The following ZNF7 variants were observed in gnomAD, a reference collection of about 807,000 sequenced individuals.
ZNF7 encodes C2-H2 type zinc finger protein.
ZNF7 carries 10 observed loss-of-function variants against 12.0 expected under a neutral mutation model. The ratio of observed to expected loss-of-function variants is 0.83; its 90% CI spans 0.51 to 1.42. The LOEUF (loss-of-function observed/expected upper bound fraction) is 1.42, where lower values mean the gene tolerates loss of function less well. ZNF7 is among the 40% of genes most tolerant of loss of function. The pLI is 0.00. For synonymous variants in ZNF7, 334 were observed against 295.0 expected (o/e 1.13, Z -1.35); for missense variants, 854 against 837.2 (o/e 1.02, Z -0.25).
chr8:144,846,229 C>T (rs1224198884), downstream of ZNF7: 6 of 1,501,572 alleles, frequency 4.0e-6, no homozygotes, highest in East Asian at 1.5e-4. Flanking sequence ...TCACTAACAG[C>T]AACCAGCCAA....
At position 144,841,365 on chromosome 8, in the gene ZNF7, T is replaced by G. The variant is rs147195149; in HGVS notation, c.258T>G (p.Ile86Met). Reference sequence around the variant, plus strand: ...TCCTGTTTATTTCAGATTCTACGATTAGGACTGAAAATGAGCAGGCCTGTG... The same window carrying G: ...TCCTGTTTATTTCAGATTCTACGATGAGGACTGAAAATGAGCAGGCCTGTG... ...APRTSKTDST[I>M]RTENEQACED... Residue 86 changes from isoleucine (I) to methionine (M), a missense_variant, in exon 5 of 5, where the codon ATT becomes ATG. Physicochemically the swap from Ile to Met is conservative, Grantham distance 10. Transcript: ENST00000532777. 1.6e-5 allele frequency: 26 copies of G among 1,603,294 alleles called. No homozygotes were observed. The African/African-American group carries it at 2.5e-4, about 16-fold the overall frequency.
At chr8:144,827,962 C>G (rs550981612) in intron 1 of ZNF7, 1 of 152,336 alleles carries the variant, frequency 6.6e-6, no homozygotes, top group Non-Finnish European at 1.5e-5. Flanking sequence ...CCTGCGAAAT[C>G]ACCTCCTTCT....
rs931018309 is a variant in ZNF7, at chr8:144,843,296, T to C, written c.*128T>C. On this transcript the variant is annotated 3_prime_UTR_variant, in exon 5 of 5. Transcript: ENST00000532777. ...AAAGGTTCAGAATTGCTCTCAAGAA[T>C]ATCCAACTTCAGGCCGAGTGTGGTG... 6.3e-5 allele frequency: 77 copies of C among 1,220,892 alleles called. No homozygotes were observed. The highest frequency in any genetic ancestry group is 8.4e-5 in the Non-Finnish European group (75 of 896,692). 75.6% of individuals were successfully genotyped at this position (1,220,892 alleles called of 1,614,324 possible).
intron 3 of ZNF7, chr8:144,831,106 C>A: frequency 2.2e-6 from 1 of 447,982 alleles, no homozygotes. Context: ...GCAGCTCCAT[C>A]TGCTGTGCCT....
chr8:144,846,591 C>T (rs1253477353), downstream of ZNF7: 1 of 174,640 alleles, frequency 5.7e-6, no homozygotes, highest in Non-Finnish European at 1.2e-5. Context: ...GTTTCTTTAC[C>T]TAAATGTCAC....
Position 144,829,535 on chromosome 8 carries a change from C to G in ZNF7, c.61C>G (p.Leu21Val). ...VHFSREEWQC[L>V]DPGQRALYRE... ...CTTCTCTCGGGAGGAGTGGCAGTGT[C>G]TGGACCCTGGCCAGAGGGCCCTCTA... Residue 21 changes from leucine (L) to valine (V), a missense_variant, in exon 3 of 5, where the codon CTG (leucine) becomes GTG (valine). Coordinates refer to ENST00000532777, the MANE Select transcript of ZNF7 (RefSeq NM_003416.4). 1.2e-6 allele frequency: 2 copies of G among 1,614,158 alleles called. No individual in the cohort carries two copies. The highest frequency in any genetic ancestry group is 1.7e-6 in the Non-Finnish European group (2 of 1,180,016).
At chr8:144,844,538 G>A (rs1241176423), downstream of ZNF7, among the ~76,000 whole-genome samples, 6 of 151,964 alleles carry the variant, frequency 3.9e-5, no homozygotes, top group South Asian at 2.1e-4. Context: ...GTGAAACCCC[G>A]TGTCTACTAA....
At chr8:144,844,430 G>T (rs1162038554), downstream of ZNF7, among the ~76,000 whole-genome samples, 1 of 152,166 alleles carries the variant, frequency 6.6e-6, no homozygotes, top group Admixed American at 6.5e-5. Flanking sequence ...ACGAAAATGG[G>T]CCGGGCGTGG....
intron 4 of ZNF7, chr8:144,838,014 A>T (rs1829248321): frequency 1.4e-6 from 1 of 698,226 alleles, no homozygotes; most frequent in East Asian, 2.7e-5. Context: ...ACAGCTGTGG[A>T]GGCCGGAAAT....
chr8:144,846,003 G>T, downstream of ZNF7: 1 of 1,536,538 alleles, frequency 6.5e-7, no homozygotes, highest in Non-Finnish European at 8.7e-7. Context: ...CCAACCATGG[G>T]ACAAGAGCCA....
At chr8:144,829,013 G>A in intron 1 of ZNF7, 30 bp from the exon 2 acceptor site, 1 of 1,608,986 alleles carries the variant, frequency 6.2e-7, no homozygotes, top group Non-Finnish European at 8.5e-7. Flanking sequence ...CTGGCACCTT[G>A]ACCTCTAATC....
chr8:144,845,926 T>G (rs1586854571), downstream of ZNF7: 2 of 1,509,670 alleles, frequency 1.3e-6, no homozygotes, highest in Non-Finnish European at 1.8e-6. Flanking sequence ...CTTAGCCAGG[T>G]GGTCACCTTC....
chr8:144,832,817 C>T (rs951203727), intron 3 of ZNF7, among the ~76,000 whole-genome samples: 23 of 152,294 alleles, frequency 1.5e-4, no homozygotes, highest in Middle Eastern at 3.4e-3. Flanking sequence ...ATCTGTATCC[C>T]AGCTCCACAT....
chr8:144,844,893 G>A (rs967198070), downstream of ZNF7, among the ~76,000 whole-genome samples: 3 of 151,656 alleles, frequency 2.0e-5, no homozygotes, highest in Non-Finnish European at 2.9e-5. Flanking sequence ...AGGTGGAGAG[G>A]GAGTGGGGAA....
At chr8:144,838,960 A>AGCAGGGGCTGTGATCTTACTTCCATTCAT (rs1829464102) in intron 4 of ZNF7, 3 of 151,546 alleles carry the variant, frequency 2.0e-5, no homozygotes, top group Non-Finnish European at 2.9e-5. Context: ...AAAAAAAAAA[A>AGCAGGGGCTGTGATCTTACTTCCATTCAT]AAGCAGGGGC....
chr8:144,827,688 T>C, intron 1 of ZNF7, 79 bp downstream of exon 1: 1 of 984,670 alleles, frequency 1.0e-6, no homozygotes, highest in Non-Finnish European at 1.2e-6. Flanking sequence ...CCCTCCCGCC[T>C]TCGGCATTGG....
In ZNF7 at chr8:144,829,277, G is replaced by A. The variant is rs1323667559; in HGVS notation, c.3+187G>A. Reference sequence around the variant, plus strand: ...CAGGGCCTAATTGAGGCTCTTGAGGGGGGAGGGTTGTATGACCACCATGGA... The same window carrying A: ...CAGGGCCTAATTGAGGCTCTTGAGGAGGGAGGGTTGTATGACCACCATGGA... On this transcript the variant is annotated intron_variant, in intron 2 of 4. Transcript: ENST00000532777. 21 of 1,531,348 alleles carry A rather than the reference G, an allele frequency of 1.4e-5. No homozygotes were observed. In the South Asian group the frequency reaches 1.7e-4, roughly 13 times the overall value. The allele number at this position is 1,531,348 out of a possible 1,614,324, so 94.9% of individuals were successfully genotyped here.
Position 144,843,383 on chromosome 8 carries a change from G to T in ZNF7, c.*215G>T, listed in dbSNP as rs550768427. ...GGCGGGCACATCACGAGGTCAGGAG[G>T]TTGAGACCATCCTGGGTAACAGGTG... On this transcript the variant is annotated 3_prime_UTR_variant, in exon 5 of 5. Transcript: ENST00000532777. The T allele has an allele frequency of 1.8e-5, 9 of 495,070 alleles. No homozygotes were observed. The highest frequency in any genetic ancestry group is 7.7e-5 in the Admixed American group (2 of 25,900). The allele number at this position is 495,070 out of a possible 1,614,324, so 30.7% of individuals were successfully genotyped here. A position where few individuals can be genotyped will look rare whatever the true frequency, so the allele number is the denominator to read the frequency against.
intron 3 of ZNF7, chr8:144,834,714 G>A (rs1310173322): frequency 1.4e-5 from 2 of 148,082 alleles, no homozygotes; most frequent in East Asian, 3.9e-4. Context: ...AAGTGAAATG[G>A]ATATATATAT....
Sources: gnomAD v4.1 joint callset for allele counts (sites outside exome capture counted in the v4.1 genomes callset) on GRCh38, gnomAD v4.1.1 for gene constraint, MANE v1.5 for transcripts, NCBI Gene and HGNC (gene_info 2026-07-23, HGNC 2026-07-21) for gene names.